Variants in TIMD4 observed in about 807,000 individuals in gnomAD.
TIMD4 encodes T cell immunoglobulin and mucin domain containing 4.
A neutral mutation model predicts 41.2 loss-of-function variants in TIMD4; 31 were observed. That is an observed-to-expected ratio of 0.75 (90% CI 0.57 to 1.01). The LOEUF is 1.01. TIMD4 is among the 50% of genes least tolerant of loss of function. The pLI, the probability that TIMD4 is intolerant of heterozygous loss-of-function variation, is 0.00. For synonymous variants in TIMD4, 204 were observed against 177.1 expected (o/e 1.15, Z -1.21); for missense variants, 479 against 472.5 (o/e 1.01, Z -0.13).
chr5:156,945,232 A>C (rs1759719024), intron 5 of TIMD4, among the ~76,000 whole-genome samples: 1 of 152,208 alleles, frequency 6.6e-6, no homozygotes, highest in Non-Finnish European at 1.5e-5. Context: ...AGACGTGGTT[A>C]AATCCAGGTC....
chr5:156,951,399 T>C, intron 3 of TIMD4, 113 bp downstream of exon 3: 4 of 1,317,168 alleles, frequency 3.0e-6, no homozygotes, highest in South Asian at 2.9e-5. Context: ...CAGACTAATA[T>C]ACGCATGTGT....
At chr5:156,955,190 G>A (rs895145489) in intron 1 of TIMD4, among the ~76,000 whole-genome samples, 1 of 152,176 alleles carries the variant, frequency 6.6e-6, no homozygotes, top group Non-Finnish European at 1.5e-5. Context: ...GTGACCAGTT[G>A]AGTCTCTAAC....
intron 5 of TIMD4, among the ~76,000 whole-genome samples, chr5:156,942,299 A>G (rs1581622867): frequency 6.6e-6 from 1 of 152,222 alleles, no homozygotes; most frequent in East Asian, 1.9e-4. Context: ...GTGGCTGCCC[A>G]TCTGGGAACA....
intron 3 of TIMD4, among the ~76,000 whole-genome samples, chr5:156,950,540 C>A (rs1401768700): frequency 6.6e-6 from 1 of 152,140 alleles, no homozygotes; most frequent in Non-Finnish European, 1.5e-5. Context: ...GCTGAAATAT[C>A]TAAGAAAGCC....
chr5:156,920,549 A>T, intron 7 of TIMD4, 46 bp from the exon 8 acceptor site: 2 of 1,599,386 alleles, frequency 1.3e-6, no homozygotes, highest in Non-Finnish European at 1.7e-6. Context: ...TGCGGTGCAT[A>T]GAACATGCAA....
chr5:156,935,282 T>C (rs921072303), intron 5 of TIMD4, among the ~76,000 whole-genome samples: 2 of 152,088 alleles, frequency 1.3e-5, no homozygotes, highest in Admixed American at 6.5e-5. Flanking sequence ...GGACTACGTA[T>C]TTTGCTGACC....
intron 5 of TIMD4, among the ~76,000 whole-genome samples, chr5:156,933,641 C>T (rs1759484585): frequency 6.6e-6 from 1 of 152,034 alleles, no homozygotes. Flanking sequence ...GATCTTGGCT[C>T]ACTGCAACCT....
intron 5 of TIMD4, among the ~76,000 whole-genome samples, chr5:156,944,309 G>A (rs1468943659): frequency 6.6e-6 from 1 of 152,148 alleles, no homozygotes; most frequent in East Asian, 1.9e-4. Context: ...GAAAGTCCTG[G>A]ACTTTGCCCC....
At chr5:156,943,689 C>G (rs1376784265) in intron 5 of TIMD4, among the ~76,000 whole-genome samples, 1 of 152,056 alleles carries the variant, frequency 6.6e-6, no homozygotes, top group Non-Finnish European at 1.5e-5. Context: ...AGTCCCTACC[C>G]AGTAGAGAGG....
intron 6 of TIMD4, among the ~76,000 whole-genome samples, chr5:156,926,051 G>A (rs926225273): frequency 6.6e-6 from 1 of 152,192 alleles, no homozygotes; most frequent in Non-Finnish European, 1.5e-5. Flanking sequence ...CTACAGGCAT[G>A]TGCCACCACA....
At chr5:156,957,743 G>A (rs1265949421) in intron 1 of TIMD4, among the ~76,000 whole-genome samples, 5 of 152,068 alleles carry the variant, frequency 3.3e-5, no homozygotes, top group African/African-American at 1.2e-4. Flanking sequence ...CAGGAGGATG[G>A]CTTGAACCCA....
chr5:156,954,867 T>C, intron 1 of TIMD4, 111 bp from the exon 2 acceptor site: 2 of 945,002 alleles, frequency 2.1e-6, no homozygotes, highest in Non-Finnish European at 1.6e-6. Flanking sequence ...AGCTGTAGTC[T>C]ATGTTTCTTT....
At chr5:156,920,555 T>C (rs757825111) in intron 7 of TIMD4, 52 bp from the exon 8 acceptor site, 81 of 1,587,674 alleles carry the variant, frequency 5.1e-5, no homozygotes, top group Non-Finnish European at 6.3e-5. Context: ...GCATAGAACA[T>C]GCAAAATGCT....
chr5:156,921,562 T>C (rs541531190), intron 7 of TIMD4, among the ~76,000 whole-genome samples: 19 of 126,934 alleles, frequency 1.5e-4, no homozygotes, highest in Admixed American at 2.2e-4. Context: ...GGAGGTGCAG[T>C]AAGCTGAGAT....
In TIMD4 at chr5:156,936,610, C is replaced by G. The variant is rs535179526; in HGVS notation, c.845-10298G>C. Among the ~76,000 whole-genome samples the G allele has an allele frequency of 6.6e-5, 10 of 152,046 alleles. No homozygotes were observed. In the South Asian group the frequency reaches 1.5e-3, roughly 22 times the overall value. On this transcript the variant is annotated intron_variant, in intron 5 of 8. Coordinates refer to ENST00000274532, the MANE Select transcript of TIMD4 (RefSeq NM_138379.3). ...GCTCTATGGACTTTGGAAAATGTGG[C>G]AAGATGAGTGCTGGAGAGTGAATAC...
In TIMD4 at chr5:156,949,710, C is replaced by T. The variant is rs370332743; in HGVS notation, c.701G>A (p.Ser234Asn). ...LTAESETVLP[S>N]DSWSSVESTS... ...AGACTCAACACTACTCCAGGAATCACTGGGGAGGACAGTTTCTGATTCTGG... is the reference window on the plus strand; with the variant it reads ...AGACTCAACACTACTCCAGGAATCATTGGGGAGGACAGTTTCTGATTCTGG... Residue 234 changes from serine (S) to asparagine (N), a missense_variant, in exon 4 of 9, where the codon AGT becomes AAT. Ser to Asn is a conservative substitution (Grantham distance 46). Transcript: ENST00000274532. 1.2e-6 allele frequency: 2 copies of T among 1,613,266 alleles called. No homozygotes were observed. Among genetic ancestry groups the T allele is most frequent in the Non-Finnish European group, 1.7e-6 (2 of 1,179,312 alleles).
intron 5 of TIMD4, among the ~76,000 whole-genome samples, chr5:156,927,497 G>A (rs1362477761): frequency 6.6e-6 from 1 of 152,200 alleles, no homozygotes; most frequent in Non-Finnish European, 1.5e-5. Flanking sequence ...TTTCCTGATG[G>A]TAAGTCTCCA....
chr5:156,933,900 G>T (rs989511783), intron 5 of TIMD4, among the ~76,000 whole-genome samples: 2 of 151,986 alleles, frequency 1.3e-5, no homozygotes, highest in African/African-American at 4.8e-5. Context: ...GATCCCTATT[G>T]GTCTACTGGT....
Position 156,951,143 on chromosome 5 carries a change from T to C in TIMD4, c.679+369A>G, listed in dbSNP as rs566358103. Among the ~76,000 whole-genome samples, 11 of 151,922 alleles carry C rather than the reference T, an allele frequency of 7.2e-5. No individual in the cohort carries two copies. The South Asian group carries it at 8.4e-4, about 12-fold the overall frequency. ...TATTGAGATAGCGCCTTTAAAGAGA[T>C]AGTTAAGGTAAAATGAGGTCATATC... On this transcript the variant is annotated intron_variant, in intron 3 of 8. Transcript: ENST00000274532.
Sources: gnomAD v4.1 joint callset for allele counts (sites outside exome capture counted in the v4.1 genomes callset) on GRCh38, gnomAD v4.1.1 for gene constraint, MANE v1.5 for transcripts, NCBI Gene and HGNC (gene_info 2026-07-23, HGNC 2026-07-21) for gene names.